AGBL4: variants seen among roughly 807,000 people sequenced by gnomAD.
AGBL4 encodes cytosolic carboxypeptidase 6.
Under a neutral mutation model 66.4 loss-of-function variants are expected in AGBL4, and 58 were observed. The observed-to-expected ratio is 0.87, with a 90% CI of 0.71 to 1.09. AGBL4 has a LOEUF of 1.09. Among genes scored for constraint, AGBL4 ranks in the 50% least tolerant of loss-of-function variants. AGBL4 has a pLI of 0.00. For synonymous variants in AGBL4, 234 were observed against 222.9 expected (o/e 1.05, Z -0.44); for missense variants, 579 against 631.0 (o/e 0.92, Z 0.88).
chr1:48,933,534 C>A (rs1571034745), intron 5 of AGBL4, among the ~76,000 whole-genome samples: 1 of 152,180 alleles, frequency 6.6e-6, no homozygotes, highest in Non-Finnish European at 1.5e-5. Context: ...CTTGACCCTG[C>A]AAAAGTATCA....
chr1:48,777,458 A>C (rs1162556323), intron 6 of AGBL4, among the ~76,000 whole-genome samples: 2 of 147,686 alleles, frequency 1.4e-5, no homozygotes, highest in African/African-American at 5.0e-5. Flanking sequence ...CGCCTTTCCC[A>C]GCCCTTAGTT....
At chr1:49,931,064 G>T in intron 1 of AGBL4, among the ~76,000 whole-genome samples, 1 of 152,008 alleles carries the variant, frequency 6.6e-6, no homozygotes, top group East Asian at 1.9e-4. Context: ...CAAGATTGCA[G>T]GATACAATGT....
chr1:49,757,858 A>C (rs1007498159), intron 2 of AGBL4, among the ~76,000 whole-genome samples: 14 of 152,216 alleles, frequency 9.2e-5, no homozygotes, highest in Non-Finnish European at 1.5e-4. Flanking sequence ...TTCTGGGGAA[A>C]AATTCAAGCA....
chr1:49,555,862 T>TA (rs1186806572), intron 3 of AGBL4, among the ~76,000 whole-genome samples: 1 of 152,126 alleles, frequency 6.6e-6, no homozygotes, highest in South Asian at 2.1e-4. Context: ...TGGACATCAT[T>TA]AAAAAGTCAG....
At chr1:48,885,458 G>A (rs1403013178) in intron 5 of AGBL4, among the ~76,000 whole-genome samples, 2 of 152,180 alleles carry the variant, frequency 1.3e-5, no homozygotes, top group Non-Finnish European at 2.9e-5. Flanking sequence ...CAACTTGAAG[G>A]CAGAGGTTAT....
At chr1:49,771,794 A>G (rs756186932) in intron 2 of AGBL4, among the ~76,000 whole-genome samples, 11 of 152,002 alleles carry the variant, frequency 7.2e-5, no homozygotes, top group African/African-American at 9.7e-5. Context: ...TTTATCTGAT[A>G]TAAGTATGGC....
intron 1 of AGBL4, among the ~76,000 whole-genome samples, chr1:49,915,829 C>T (rs1409923170): frequency 6.6e-6 from 1 of 152,124 alleles, no homozygotes; most frequent in South Asian, 2.1e-4. Flanking sequence ...CTGGGAGACA[C>T]CCCCTAATAG....
At chr1:49,049,797 A>G (rs954040135) in intron 4 of AGBL4, among the ~76,000 whole-genome samples, 4 of 152,092 alleles carry the variant, frequency 2.6e-5, no homozygotes, top group Non-Finnish European at 5.9e-5. Flanking sequence ...TTCTGATTCC[A>G]TTTAACACAG....
intron 3 of AGBL4, among the ~76,000 whole-genome samples, chr1:49,622,063 G>A (rs77128421): frequency 0.024 from 3,640 of 152,236 alleles, 120 homozygotes; most frequent in African/African-American, 0.083. Context: ...GGATGTGAAG[G>A]ATTTATTTTA....
intron 2 of AGBL4, among the ~76,000 whole-genome samples, chr1:49,807,062 G>A (rs148276321): frequency 1.3e-5 from 2 of 152,298 alleles, no homozygotes; most frequent in Non-Finnish European, 2.9e-5. Flanking sequence ...TTCTAGGCAT[G>A]CAATCCAGGC....
At chr1:49,174,121 G>C (rs1049232362) in intron 4 of AGBL4, among the ~76,000 whole-genome samples, 1 of 152,048 alleles carries the variant, frequency 6.6e-6, no homozygotes, top group Non-Finnish European at 1.5e-5. Context: ...TCAGAGGGAA[G>C]AGAAGTGGGG....
intron 5 of AGBL4, among the ~76,000 whole-genome samples, chr1:48,947,770 T>A (rs1444019993): frequency 6.6e-6 from 1 of 152,186 alleles, no homozygotes; most frequent in African/African-American, 2.4e-5. Context: ...TGAGGGCTGA[T>A]AGAGAAACAA....
chr1:49,128,218 C>A (rs986565434), intron 4 of AGBL4, among the ~76,000 whole-genome samples: 2 of 151,774 alleles, frequency 1.3e-5, no homozygotes, highest in Non-Finnish European at 2.9e-5. Flanking sequence ...TTAGACACTG[C>A]AGAAGTAGTC....
chr1:49,495,443 C>T (rs1647456075), intron 3 of AGBL4, among the ~76,000 whole-genome samples: 1 of 151,630 alleles, frequency 6.6e-6, no homozygotes, highest in Non-Finnish European at 1.5e-5. Flanking sequence ...CCAACATGGC[C>T]CAGGGAATCC....
chr1:49,484,756 ATAGT>A (rs1385204915), intron 3 of AGBL4, among the ~76,000 whole-genome samples: 3 of 151,992 alleles, frequency 2.0e-5, no homozygotes, highest in African/African-American at 7.2e-5. Flanking sequence ...GTATAATGGG[ATAGT>A]TAGTAACACA....
intron 6 of AGBL4, among the ~76,000 whole-genome samples, chr1:48,735,458 A>G (rs1453418383): frequency 6.6e-6 from 1 of 151,662 alleles, no homozygotes; most frequent in Non-Finnish European, 1.5e-5. Context: ...GAGAGAAAGT[A>G]GAGGAAGGAG....
intron 5 of AGBL4, among the ~76,000 whole-genome samples, chr1:48,965,329 T>C (rs1289966389): frequency 3.9e-5 from 6 of 152,136 alleles, no homozygotes; most frequent in Non-Finnish European, 8.8e-5. Flanking sequence ...AAGTAGCATT[T>C]AAGCCAGACA....
intron 4 of AGBL4, among the ~76,000 whole-genome samples, chr1:49,157,412 T>C (rs1313055010): frequency 1.3e-5 from 2 of 152,184 alleles, no homozygotes; most frequent in Admixed American, 1.3e-4. Context: ...GGACATGACC[T>C]CATCCTTTTT....
chr1:48,718,157 C>T (rs913279582), intron 6 of AGBL4, among the ~76,000 whole-genome samples: 2 of 152,332 alleles, frequency 1.3e-5, no homozygotes, highest in Admixed American at 6.5e-5. Context: ...GCAAAACTTC[C>T]CTCCAAATCT....
Sources: allele counts gnomAD v4.1 joint callset (sites outside exome capture counted in the v4.1 genomes callset), GRCh38; gene constraint gnomAD v4.1.1; transcripts MANE v1.5; gene names NCBI Gene and HGNC (gene_info 2026-07-23, HGNC 2026-07-21).